The following DLG2 variants were observed in gnomAD, a reference collection of about 807,000 sequenced individuals.
DLG2 encodes discs large MAGUK scaffold protein 2.
In DLG2, 45 loss-of-function variants were observed where a neutral mutation model predicts 132.5. That is an observed-to-expected ratio of 0.34 (90% CI 0.27 to 0.44). The LOEUF is 0.44. DLG2 is among the 20% of genes least tolerant of loss of function. The pLI, the probability that DLG2 is intolerant of heterozygous loss-of-function variation, is 1.00. For missense variants in DLG2, 1,045 were observed against 1,196.9 expected (o/e 0.87, Z 1.87); for synonymous variants, 424 against 419.6 (o/e 1.01, Z -0.13).
chr11:84,667,599 C>T (rs1473002226), intron 6 of DLG2, among the ~76,000 whole-genome samples: 7 of 149,456 alleles, frequency 4.7e-5, no homozygotes, highest in African/African-American at 1.7e-4. Flanking sequence ...TGGGTTCAAG[C>T]AATTCTCCTG....
At chr11:83,701,020 T>C (rs1434334155) in intron 18 of DLG2, among the ~76,000 whole-genome samples, 1 of 152,176 alleles carries the variant, frequency 6.6e-6, no homozygotes, top group African/African-American at 2.4e-5. Flanking sequence ...CCATTTTGGG[T>C]ACTTGTTTGG....
intron 6 of DLG2, among the ~76,000 whole-genome samples, chr11:85,011,032 T>G (rs528483617): frequency 6.6e-6 from 1 of 152,166 alleles, no homozygotes; most frequent in Admixed American, 6.5e-5. Flanking sequence ...TCCCACCCAT[T>G]TGAAGACTGT....
chr11:84,887,030 G>GAATCACTTCTC (rs1555279240), intron 6 of DLG2, among the ~76,000 whole-genome samples: 2 of 152,066 alleles, frequency 1.3e-5, no homozygotes, highest in Non-Finnish European at 2.9e-5. Flanking sequence ...TCTCTGTTAA[G>GAATCACTTCTC]GGAGAAGTGT....
At chr11:84,353,553 G>T (rs1299155886) in intron 7 of DLG2, among the ~76,000 whole-genome samples, 1 of 152,190 alleles carries the variant, frequency 6.6e-6, no homozygotes, top group Admixed American at 6.5e-5. Context: ...TCAAGTTACA[G>T]TTATGGCTTT....
intron 6 of DLG2, among the ~76,000 whole-genome samples, chr11:84,733,510 T>G (rs2063430727): frequency 6.6e-6 from 1 of 152,238 alleles, no homozygotes; most frequent in South Asian, 2.1e-4. Context: ...TAAATTTGTT[T>G]CATTTCTTTG....
intron 7 of DLG2, among the ~76,000 whole-genome samples, chr11:84,511,493 T>C (rs1000609002): frequency 6.6e-6 from 1 of 152,182 alleles, no homozygotes; most frequent in Non-Finnish European, 1.5e-5. Context: ...ATATTTTGAC[T>C]CTTCTACAGC....
intron 9 of DLG2, among the ~76,000 whole-genome samples, chr11:84,138,132 G>T (rs2094682111): frequency 6.6e-6 from 1 of 152,092 alleles, no homozygotes; most frequent in African/African-American, 2.4e-5. Context: ...CCACATCCTG[G>T]CTATGTATGC....
At chr11:84,885,209 T>G (rs2088049056) in intron 6 of DLG2, among the ~76,000 whole-genome samples, 1 of 151,500 alleles carries the variant, frequency 6.6e-6, no homozygotes, top group Non-Finnish European at 1.5e-5. Flanking sequence ...GGAGGACAAA[T>G]ATTTTATCGT....
intron 3 of DLG2, among the ~76,000 whole-genome samples, chr11:85,321,667 T>C (rs1239228283): frequency 2.6e-5 from 4 of 151,916 alleles, no homozygotes; most frequent in Admixed American, 6.6e-5. Flanking sequence ...AAGCAAAGGA[T>C]TGTAGTATCC....
intron 6 of DLG2, among the ~76,000 whole-genome samples, chr11:84,795,467 G>A (rs2074456500): frequency 6.6e-6 from 1 of 152,064 alleles, no homozygotes; most frequent in South Asian, 2.1e-4. Flanking sequence ...ACACTCATCA[G>A]GATGACCTGC....
At chr11:84,494,710 C>A (rs1341340823) in intron 7 of DLG2, among the ~76,000 whole-genome samples, 1 of 152,130 alleles carries the variant, frequency 6.6e-6, no homozygotes, top group Non-Finnish European at 1.5e-5. Context: ...CAGTGAGTAG[C>A]AGACCCTAAA....
chr11:85,309,310 T>A (rs1308406849), intron 3 of DLG2, among the ~76,000 whole-genome samples: 1 of 152,064 alleles, frequency 6.6e-6, no homozygotes, highest in Non-Finnish European at 1.5e-5. Flanking sequence ...TATAAAAGAT[T>A]GCTATCTTAA....
intron 3 of DLG2, among the ~76,000 whole-genome samples, chr11:85,346,232 G>T (rs1266691383): frequency 6.6e-6 from 1 of 151,424 alleles, no homozygotes; most frequent in Admixed American, 6.6e-5. Context: ...CTGTTGCCCA[G>T]GCTGGAGTGC....
chr11:84,311,015 G>C (rs1236371718), intron 7 of DLG2, among the ~76,000 whole-genome samples: 1 of 152,094 alleles, frequency 6.6e-6, no homozygotes, highest in Non-Finnish European at 1.5e-5. Context: ...CAAGCTTATG[G>C]GAATGCTACT....
intron 5 of DLG2, among the ~76,000 whole-genome samples, chr11:85,123,370 T>G (rs954991476): frequency 6.6e-5 from 10 of 152,066 alleles, no homozygotes; most frequent in Non-Finnish European, 1.2e-4. Context: ...AAATAGGGAT[T>G]CTATTGTAGA....
chr11:83,510,149 G>A (rs567471589), intron 21 of DLG2, among the ~76,000 whole-genome samples: 1 of 152,262 alleles, frequency 6.6e-6, no homozygotes, highest in African/African-American at 2.4e-5. Context: ...AGATGACCCT[G>A]ATGGTTCTTT....
intron 4 of DLG2, among the ~76,000 whole-genome samples, chr11:85,274,333 A>G (rs2077746932): frequency 6.6e-6 from 1 of 152,180 alleles, no homozygotes; most frequent in Admixed American, 6.6e-5. Context: ...AGGCAATGAT[A>G]ATTCCCACCA....
At chr11:83,609,401 T>C (rs1307679377) in intron 19 of DLG2, among the ~76,000 whole-genome samples, 1 of 152,190 alleles carries the variant, frequency 6.6e-6, no homozygotes. Context: ...TCTGTGCTCC[T>C]TTCTGGCTCC....
rs193302289 is a variant in DLG2, at chr11:85,072,450, C to A, written c.357+39211G>T. Among the ~76,000 whole-genome samples, 20 of 151,928 alleles carry A rather than the reference C, an allele frequency of 1.3e-4. 1 individual carries two copies. The highest frequency in any genetic ancestry group is 4.1e-4 in the African/African-American group (17 of 41,510). On this transcript the variant is annotated intron_variant, in intron 6 of 27. Coordinates refer to ENST00000376104, the MANE Select transcript of DLG2 (RefSeq NM_001142699.3). ...CTTTAAACAAACATTCTAGGTGATC[C>A]AAATGCAGGCATTCAGCAACTATAT...
Sources: allele counts gnomAD v4.1 joint callset (sites outside exome capture counted in the v4.1 genomes callset), GRCh38; gene constraint gnomAD v4.1.1; transcripts MANE v1.5; gene names NCBI Gene and HGNC (gene_info 2026-07-23, HGNC 2026-07-21).